Variants in GRID2 observed in about 807,000 individuals in gnomAD.
GRID2 encodes glutamate receptor ionotropic, delta-2.
Under a neutral mutation model 114.8 loss-of-function variants are expected in GRID2, and 33 were observed. The ratio of observed to expected loss-of-function variants is 0.29; its 90% CI spans 0.22 to 0.38. The LOEUF (loss-of-function observed/expected upper bound fraction) is 0.38. Ranked by LOEUF, GRID2 falls within the 10% of genes least tolerant of loss-of-function variation. The pLI, the probability that GRID2 is intolerant of heterozygous loss-of-function variation, is 1.00. For missense variants in GRID2, 1,184 were observed against 1,257.7 expected (o/e 0.94, Z 0.89); for synonymous variants, 505 against 449.9 (o/e 1.12, Z -1.55).
intron 2 of GRID2, 38 bp from the exon 3 acceptor site, chr4:93,084,956 AC>A: frequency 6.4e-7 from 1 of 1,558,292 alleles, no homozygotes; most frequent in East Asian, 2.3e-5. Context: ...ACTATGTGAA[AC>A]CCACTGACAT....
chr4:92,449,676 G>GGTATATATAT (rs1720786563), intron 1 of GRID2, among the ~76,000 whole-genome samples: 1 of 96,764 alleles, frequency 1.0e-5, no homozygotes, highest in Non-Finnish European at 2.0e-5. Context: ...TTTTCTTACT[G>GGTATATATAT]ATATATATAT....
chr4:93,476,278 TA>T (rs1246752149), intron 11 of GRID2, among the ~76,000 whole-genome samples: 1 of 151,942 alleles, frequency 6.6e-6, no homozygotes, highest in Non-Finnish European at 1.5e-5. Context: ...AGAAAATAAA[TA>T]AAAAATACAT....
chr4:92,620,854 A>C (rs1279340768), intron 2 of GRID2, among the ~76,000 whole-genome samples: 2 of 151,330 alleles, frequency 1.3e-5, no homozygotes, highest in Non-Finnish European at 3.0e-5. Flanking sequence ...ATGATGAGTT[A>C]ATGGGTGCAG....
At chr4:93,415,589 C>A (rs756754378) in intron 9 of GRID2, among the ~76,000 whole-genome samples, 27 of 151,904 alleles carry the variant, frequency 1.8e-4, no homozygotes, top group Non-Finnish European at 3.5e-4. Context: ...ATTGTAATTG[C>A]CTAATGTGTT....
chr4:92,838,958 A>T (rs1361540064), intron 2 of GRID2: 1 of 152,044 alleles, frequency 6.6e-6, no homozygotes, highest in East Asian at 1.9e-4. Context: ...TATAGTTGCC[A>T]CGAGCAACAA....
chr4:92,700,054 G>A (rs1278807147), intron 2 of GRID2, among the ~76,000 whole-genome samples: 1 of 152,164 alleles, frequency 6.6e-6, no homozygotes, highest in Non-Finnish European at 1.5e-5. Context: ...GCCAGGACCT[G>A]AGGTTTTTGG....
chr4:93,209,940 A>G (rs1428359853), intron 5 of GRID2, among the ~76,000 whole-genome samples: 1 of 152,058 alleles, frequency 6.6e-6, no homozygotes, highest in Non-Finnish European at 1.5e-5. Flanking sequence ...CCACTTTTAA[A>G]TGGGGTTGTT....
intron 2 of GRID2, among the ~76,000 whole-genome samples, chr4:92,734,573 C>T (rs1736495605): frequency 6.6e-6 from 1 of 151,830 alleles, no homozygotes; most frequent in African/African-American, 2.4e-5. Context: ...CATGAACCAC[C>T]TCGCCCAGCC....
At chr4:93,445,224 T>A (rs1721987655) in intron 10 of GRID2, among the ~76,000 whole-genome samples, 1 of 151,980 alleles carries the variant, frequency 6.6e-6, no homozygotes. Flanking sequence ...AGCTATGTAC[T>A]GAGGAGCACA....
intron 13 of GRID2, among the ~76,000 whole-genome samples, chr4:93,566,486 C>T (rs903661177): frequency 6.6e-6 from 1 of 152,114 alleles, no homozygotes; most frequent in African/African-American, 2.4e-5. Context: ...CAAGTTGAGG[C>T]TGGGAGCAGT....
chr4:92,597,447 GCTTCGAGGA>G (rs1729009325), intron 2 of GRID2, among the ~76,000 whole-genome samples: 1 of 152,094 alleles, frequency 6.6e-6, no homozygotes, highest in African/African-American at 2.4e-5. Context: ...TAGCCTTTGT[GCTTCGAGGA>G]CTTTTACCTC....
intron 1 of GRID2, among the ~76,000 whole-genome samples, chr4:92,315,287 T>A (rs1725908552): frequency 1.3e-5 from 2 of 152,314 alleles, no homozygotes; most frequent in African/African-American, 4.8e-5. Flanking sequence ...CAGATGGTTG[T>A]TTCTGCTCTG....
At chr4:93,452,738 G>C (rs1332795599) in intron 10 of GRID2, among the ~76,000 whole-genome samples, 1 of 152,012 alleles carries the variant, frequency 6.6e-6, no homozygotes, top group African/African-American at 2.4e-5. Context: ...GATGTGACAA[G>C]TCGTTGTAAA....
At chr4:92,327,791 G>A (rs531907254) in intron 1 of GRID2, among the ~76,000 whole-genome samples, 2 of 151,908 alleles carry the variant, frequency 1.3e-5, no homozygotes, top group East Asian at 3.9e-4. Flanking sequence ...CATTGTTTCT[G>A]AACACGTATT....
chr4:93,116,879 A>C (rs1291195151), intron 4 of GRID2, among the ~76,000 whole-genome samples: 1 of 152,106 alleles, frequency 6.6e-6, no homozygotes, highest in Admixed American at 6.5e-5. Context: ...AGTGCCTTTA[A>C]ATAGAAATGC....
downstream of GRID2, among the ~76,000 whole-genome samples, chr4:93,776,112 G>T (rs982453783): frequency 6.6e-6 from 1 of 152,092 alleles, no homozygotes; most frequent in Non-Finnish European, 1.5e-5. Context: ...GTAAACATAG[G>T]TTTTATCCTT....
intron 1 of GRID2, among the ~76,000 whole-genome samples, chr4:92,572,061 C>T (rs946885233): frequency 2.0e-5 from 3 of 151,700 alleles, no homozygotes; most frequent in Non-Finnish European, 4.4e-5. Flanking sequence ...AATAGAGACA[C>T]AAAAAACCCT....
intron 4 of GRID2, among the ~76,000 whole-genome samples, chr4:93,117,913 A>G (rs1351396686): frequency 6.6e-6 from 1 of 152,200 alleles, no homozygotes; most frequent in African/African-American, 2.4e-5. Flanking sequence ...CAAAGAACCA[A>G]ACCATTCCCC....
Position 93,085,111 on chromosome 4 carries a change from C to A in GRID2, c.361C>A (p.Arg121Ser). ...GCATATCCCCCACCTCTTCATTCAG[C>A]GCTCAACAGCTGGGACCCCAAGGAG... ...AMHIPHLFIQ[R>S]STAGTPRSGC... The change falls in exon 3 of 16, where the codon CGC becomes AGC. Residue 121 changes from arginine (R) to serine (S), a missense_variant. Arg to Ser is a moderately radical substitution (Grantham distance 110). This residue lies in a region of GRID2 where 455 missense variants were observed against 429.5 expected (regional missense o/e 1.06). Transcript: ENST00000282020. 6.2e-7 allele frequency: 1 copy of A among 1,614,110 alleles called. No individual in the cohort carries two copies. Among genetic ancestry groups the A allele is most frequent in the Non-Finnish European group, 8.5e-7 (1 of 1,179,994 alleles).
Sources: gnomAD v4.1 joint callset for allele counts (sites outside exome capture counted in the v4.1 genomes callset) on GRCh38, gnomAD v4.1.1 for gene constraint, gnomAD v4.1.1 regional missense constraint, MANE v1.5 for transcripts, NCBI Gene and HGNC (gene_info 2026-07-23, HGNC 2026-07-21) for gene names.